Variants in BTBD9 observed in about 807,000 individuals in gnomAD.
BTBD9 encodes the protein BTB domain containing 9, also known as BTB/POZ domain-containing protein 9.
In BTBD9, 49 loss-of-function variants were observed where a neutral mutation model predicts 64.3. The observed-to-expected ratio is 0.76, with a 90% confidence interval of 0.61 to 0.97. The LOEUF (loss-of-function observed/expected upper bound fraction) is 0.97, where lower values mean the gene tolerates loss of function less well. BTBD9 is among the 50% of genes least tolerant of loss of function. BTBD9 has a pLI of 0.00. For synonymous variants in BTBD9, 260 were observed against 274.7 expected, an observed-to-expected ratio of 0.95 and a Z score of 0.53; for missense variants, 598 against 762.1, an observed-to-expected ratio of 0.78 and a Z score of 2.53.
intron 6 of BTBD9, among the ~76,000 whole-genome samples, chr6:38,448,068 C>G (rs759052819): frequency 4.2e-4 from 64 of 152,246 alleles, no homozygotes; most frequent in Non-Finnish European, 7.9e-4. Context: ...AGCCTTGTTA[C>G]AGTAATCAGG....
At chr6:38,291,434 C>T (rs1761949496) in intron 7 of BTBD9, among the ~76,000 whole-genome samples, 2 of 152,228 alleles carry the variant, frequency 1.3e-5, no homozygotes, top group Non-Finnish European at 1.5e-5. Flanking sequence ...ATCATGTCAT[C>T]TGCAAACAGA....
At chr6:38,610,316 T>G (rs1358823263) in intron 1 of BTBD9, among the ~76,000 whole-genome samples, 1 of 152,216 alleles carries the variant, frequency 6.6e-6, no homozygotes, top group African/African-American at 2.4e-5. Context: ...CTCTCTTTGC[T>G]GTAGCCATGG....
At chr6:38,287,722 T>C (rs557004333) in intron 8 of BTBD9, among the ~76,000 whole-genome samples, 6 of 152,198 alleles carry the variant, frequency 3.9e-5, no homozygotes, top group Non-Finnish European at 8.8e-5. Context: ...TCTCTGCCAT[T>C]AAGCAATGCA....
chr6:38,288,519 T>A, intron 7 of BTBD9, 58 bp from the exon 8 acceptor site: 2 of 1,415,060 alleles, frequency 1.4e-6, no homozygotes, highest in African/African-American at 2.8e-5. Context: ...TATATCTCTA[T>A]AGTGTGCTCA....
intron 6 of BTBD9, among the ~76,000 whole-genome samples, chr6:38,463,257 T>C (rs563927601): frequency 7.4e-4 from 112 of 152,376 alleles, no homozygotes; most frequent in African/African-American, 2.3e-3. Flanking sequence ...AATTCACTTA[T>C]TAGTTTTAGT....
intron 6 of BTBD9, among the ~76,000 whole-genome samples, chr6:38,363,066 C>T (rs1311696406): frequency 6.6e-6 from 1 of 152,122 alleles, no homozygotes; most frequent in African/African-American, 2.4e-5. Flanking sequence ...TGGAATTCAT[C>T]AGCATCAACT....
At position 38,459,053 on chromosome 6, in the gene BTBD9, C is replaced by G. The variant is rs576529235; in HGVS notation, c.1155-113960G>C. The stretch of plus-strand genomic sequence containing the variant: ...TATTTTTTGGAGACAGAGTCTCACT[C>G]TGTTGCCCAGGCTGGAGTGCAATGG... On this transcript the variant is annotated intron_variant, in intron 6 of 10. Transcript: ENST00000481247. Among the ~76,000 whole-genome samples the G allele has an allele frequency of 2.0e-5, 3 of 152,262 alleles. No homozygotes were observed. The South Asian group carries it at 6.2e-4, about 32-fold the overall frequency.
chr6:38,334,833 A>T (rs993784429), intron 7 of BTBD9, among the ~76,000 whole-genome samples: 9 of 151,614 alleles, frequency 5.9e-5, no homozygotes, highest in East Asian at 1.9e-4. Context: ...AGCAGTAAAA[A>T]TTTTTTTCCC....
chr6:38,512,286 A>T (rs560202258), intron 6 of BTBD9, among the ~76,000 whole-genome samples: 1 of 152,236 alleles, frequency 6.6e-6, no homozygotes, highest in South Asian at 2.1e-4. Flanking sequence ...ACTATGTTTT[A>T]AAAAAGGAAA....
chr6:38,295,496 C>T (rs564845937), intron 7 of BTBD9, among the ~76,000 whole-genome samples: 1 of 152,202 alleles, frequency 6.6e-6, no homozygotes, highest in Admixed American at 6.6e-5. Flanking sequence ...TAAGTTCTTT[C>T]CTACACCAAA....
At chr6:38,449,055 C>CAAAG (rs1287919236) in intron 6 of BTBD9, among the ~76,000 whole-genome samples, 1 of 152,048 alleles carries the variant, frequency 6.6e-6, no homozygotes, top group African/African-American at 2.4e-5. Flanking sequence ...GTGTTTAGGA[C>CAAAG]AAAGAAAGAA....
At chr6:38,406,243 G>A (rs1767155712) in intron 6 of BTBD9, among the ~76,000 whole-genome samples, 1 of 152,160 alleles carries the variant, frequency 6.6e-6, no homozygotes, top group Non-Finnish European at 1.5e-5. Flanking sequence ...CCAGAAAAGA[G>A]TAACCATAAG....
intron 6 of BTBD9, among the ~76,000 whole-genome samples, chr6:38,501,576 C>T (rs1043015970): frequency 6.6e-6 from 1 of 152,152 alleles, no homozygotes; most frequent in Non-Finnish European, 1.5e-5. Context: ...AATCCCATCC[C>T]TTGGTGTATA....
At chr6:38,379,426 G>T (rs919814937) in intron 6 of BTBD9, among the ~76,000 whole-genome samples, 9 of 152,108 alleles carry the variant, frequency 5.9e-5, no homozygotes, top group African/African-American at 2.2e-4. Flanking sequence ...TCTTCTAGCG[G>T]GTTTGCTCTA....
chr6:38,613,224 C>A (rs527500182), intron 1 of BTBD9, among the ~76,000 whole-genome samples: 1 of 152,254 alleles, frequency 6.6e-6, no homozygotes, highest in South Asian at 2.1e-4. Context: ...AAATTACATA[C>A]AAGGCTTGCG....
intron 6 of BTBD9, among the ~76,000 whole-genome samples, chr6:38,349,058 C>G (rs1194732994): frequency 6.6e-6 from 1 of 152,122 alleles, no homozygotes; most frequent in East Asian, 1.9e-4. Context: ...CAGGCATGCA[C>G]CACCATGCCT....
chr6:38,618,193 C>T (rs527691657), intron 1 of BTBD9, among the ~76,000 whole-genome samples: 1 of 152,338 alleles, frequency 6.6e-6, no homozygotes, highest in African/African-American at 2.4e-5. Context: ...TCCTAAGCCA[C>T]TGGGACCAAT....
chr6:38,638,323 T>G (rs1231591241), intron 1 of BTBD9, among the ~76,000 whole-genome samples: 1 of 152,226 alleles, frequency 6.6e-6, no homozygotes, highest in African/African-American at 2.4e-5. Flanking sequence ...TTCTATGTCA[T>G]TTTTCACTCC....
At chr6:38,452,408 T>C (rs12662621) in intron 6 of BTBD9, among the ~76,000 whole-genome samples, 11,242 of 152,072 alleles carry the variant, frequency 0.074, 525 homozygotes, top group Non-Finnish European at 0.11. Flanking sequence ...AACTTTGAAA[T>C]TGCTAAGTTT....
Sources: allele counts gnomAD v4.1 joint callset (sites outside exome capture counted in the v4.1 genomes callset), GRCh38; gene constraint gnomAD v4.1.1; transcripts MANE v1.5; gene names NCBI Gene and HGNC (gene_info 2026-07-23, HGNC 2026-07-21).